MAP4K3: variants seen among roughly 807,000 people sequenced by gnomAD.
MAP4K3 encodes the protein mitogen-activated protein kinase kinase kinase kinase 3, also known as MAPK/ERK kinase kinase kinase 3.
In MAP4K3, 94 loss-of-function variants were observed where a neutral mutation model predicts 143.5. The ratio of observed to expected loss-of-function variants is 0.65; its 90% CI spans 0.55 to 0.78. The LOEUF is 0.78. Ranked by LOEUF, MAP4K3 falls within the 30% of genes least tolerant of loss-of-function variation. The probability of loss-of-function intolerance (pLI) is 0.00; values close to 1 mark genes in which losing one functional copy is unlikely to be tolerated. For missense variants in MAP4K3, 1,077 were observed against 1,068.1 expected (o/e 1.01, Z -0.12); for synonymous variants, 416 against 347.2 (o/e 1.20, Z -2.20).
At chr2:39,347,607 G>A (rs1471272421) in intron 3 of MAP4K3, among the ~76,000 whole-genome samples, 1 of 152,096 alleles carries the variant, frequency 6.6e-6, no homozygotes, top group Non-Finnish European at 1.5e-5. Flanking sequence ...CTTAATTTAA[G>A]TGTAGTGTAA....
intron 1 of MAP4K3, among the ~76,000 whole-genome samples, chr2:39,423,371 A>G (rs936509288): frequency 3.9e-5 from 6 of 152,186 alleles, no homozygotes; most frequent in African/African-American, 1.4e-4. Flanking sequence ...TTTCTTATAG[A>G]GCTAAAAGCA....
At chr2:39,285,847 T>C (rs1681751828) in intron 21 of MAP4K3, among the ~76,000 whole-genome samples, 1 of 152,230 alleles carries the variant, frequency 6.6e-6, no homozygotes, top group Non-Finnish European at 1.5e-5. Flanking sequence ...CTATTTTAAA[T>C]TCTATGATGA....
Position 39,299,736 on chromosome 2 carries a change from T to A in MAP4K3, c.1178+7A>T. On this transcript the variant is annotated splice_region_variant and intron_variant, in intron 16 of 33. Transcript: ENST00000263881. ...TTTAAATTAAGTTTTAAAAGAACTT[T>A]ACTTACTTGTTTGCACCTAAAAAGT... 6.5e-7 allele frequency: 1 copy of A among 1,530,296 alleles called. No individual in the cohort carries two copies. Among genetic ancestry groups the A allele is most frequent in the East Asian group, 2.3e-5 (1 of 43,620 alleles). The allele number at this position is 1,530,296 out of a possible 1,614,324, so 94.8% of individuals were successfully genotyped here. A position where few individuals can be genotyped will look rare whatever the true frequency, so the allele number is the denominator to read the frequency against.
At chr2:39,368,400 C>A (rs1474844677) in intron 2 of MAP4K3, among the ~76,000 whole-genome samples, 1 of 152,116 alleles carries the variant, frequency 6.6e-6, no homozygotes, top group Non-Finnish European at 1.5e-5. Context: ...GACACAGTGG[C>A]TCATGTTTGT....
intron 32 of MAP4K3, among the ~76,000 whole-genome samples, chr2:39,252,948 G>A (rs1210452101): frequency 1.3e-5 from 2 of 151,912 alleles, no homozygotes; most frequent in East Asian, 3.9e-4. Context: ...GTTCTCAGGT[G>A]ACTTTTTGGG....
At chr2:39,330,950 C>T (rs930942572) in intron 8 of MAP4K3, among the ~76,000 whole-genome samples, 5 of 152,090 alleles carry the variant, frequency 3.3e-5, no homozygotes, top group African/African-American at 4.8e-5. Flanking sequence ...ACTGTCATAA[C>T]GCAGTATCTG....
chr2:39,376,122 G>A (rs578136407), intron 2 of MAP4K3, among the ~76,000 whole-genome samples: 12 of 152,216 alleles, frequency 7.9e-5, no homozygotes, highest in Non-Finnish European at 1.3e-4. Flanking sequence ...CTTTAAGGAA[G>A]TGACAAACTG....
intron 33 of MAP4K3, among the ~76,000 whole-genome samples, 197 bp downstream of exon 33, chr2:39,251,633 T>G (rs550735860): frequency 6.6e-6 from 1 of 152,356 alleles, no homozygotes; most frequent in South Asian, 2.1e-4. Context: ...TACTGACAGA[T>G]CCATACATTC....
At chr2:39,258,915 A>G (rs1680452811) in intron 29 of MAP4K3, among the ~76,000 whole-genome samples, 1 of 152,162 alleles carries the variant, frequency 6.6e-6, no homozygotes, top group Admixed American at 6.5e-5. Flanking sequence ...CAAATTTTCT[A>G]TTAGTGGGAG....
chr2:39,291,247 TATTATA>T (rs1682034938), intron 18 of MAP4K3, among the ~76,000 whole-genome samples: 1 of 152,216 alleles, frequency 6.6e-6, no homozygotes. Flanking sequence ...CAGAAATTTG[TATTATA>T]ATTATTTCAG....
intron 1 of MAP4K3, among the ~76,000 whole-genome samples, chr2:39,382,952 G>C (rs1666391553): frequency 6.6e-6 from 1 of 152,220 alleles, no homozygotes; most frequent in South Asian, 2.1e-4. Context: ...ATGGGGAAAA[G>C]GGCACAGAAC....
At chr2:39,322,331 C>A (rs1346707120) in intron 12 of MAP4K3, among the ~76,000 whole-genome samples, 1 of 152,126 alleles carries the variant, frequency 6.6e-6, no homozygotes, top group Non-Finnish European at 1.5e-5. Context: ...AACAGTTTTA[C>A]CTTCCCGGCT....
chr2:39,305,476 A>G (rs1306582579), intron 15 of MAP4K3, among the ~76,000 whole-genome samples: 2 of 152,206 alleles, frequency 1.3e-5, no homozygotes, highest in African/African-American at 2.4e-5. Context: ...AACAAGAATA[A>G]TAAGTTAATA....
At chr2:39,411,625 T>C (rs1253138534) in intron 1 of MAP4K3, among the ~76,000 whole-genome samples, 1 of 152,218 alleles carries the variant, frequency 6.6e-6, no homozygotes, top group Non-Finnish European at 1.5e-5. Flanking sequence ...ATGGAACCAG[T>C]AAGCTTTTAT....
chr2:39,435,210 G>A (rs1041597049), intron 1 of MAP4K3, among the ~76,000 whole-genome samples: 2 of 62,736 alleles, frequency 3.2e-5, no homozygotes, highest in African/African-American at 5.5e-5. Context: ...CTATCACAGT[G>A]GCCTCCCAAC....
intron 2 of MAP4K3, among the ~76,000 whole-genome samples, chr2:39,358,909 C>A (rs998050566): frequency 6.6e-6 from 1 of 152,232 alleles, no homozygotes; most frequent in African/African-American, 2.4e-5. Flanking sequence ...ATGAGACATG[C>A]GTGGTGACAC....
At chr2:39,379,445 TA>T (rs1336756497) in intron 1 of MAP4K3, among the ~76,000 whole-genome samples, 1 of 152,034 alleles carries the variant, frequency 6.6e-6, no homozygotes, top group Non-Finnish European at 1.5e-5. Context: ...TTAATTTCCA[TA>T]AAATGGGATA....
intron 1 of MAP4K3, among the ~76,000 whole-genome samples, chr2:39,398,560 AT>A (rs1666870870): frequency 2.6e-5 from 4 of 151,818 alleles, no homozygotes. Context: ...AGCACTTTGC[AT>A]TTTGAAACGT....
intron 1 of MAP4K3, among the ~76,000 whole-genome samples, chr2:39,417,221 T>C (rs943690278): frequency 2.0e-5 from 3 of 150,638 alleles, no homozygotes; most frequent in Middle Eastern, 6.8e-3. Context: ...TTTTCTTTTT[T>C]TTTTTTTTTT....
Sources: gnomAD v4.1 joint callset for allele counts (sites outside exome capture counted in the v4.1 genomes callset) on GRCh38, gnomAD v4.1.1 for gene constraint, MANE v1.5 for transcripts, NCBI Gene and HGNC (gene_info 2026-07-23, HGNC 2026-07-21) for gene names.